Variants in CHST9 observed in about 807,000 individuals in gnomAD.
CHST9 encodes the protein GalNAc-4-sulfotransferase 2.
CHST9 carries 41 observed loss-of-function variants against 44.4 expected under a neutral mutation model. The ratio of observed to expected loss-of-function variants is 0.92; its 90% CI spans 0.72 to 1.20. The LOEUF is 1.20. Ranked by LOEUF, CHST9 falls within the 50% of genes most tolerant of loss-of-function variation. The pLI, the probability that CHST9 is intolerant of heterozygous loss-of-function variation, is 0.00. For synonymous variants in CHST9, 171 were observed against 178.4 expected (o/e 0.96, Z 0.33); for missense variants, 504 against 516.5 (o/e 0.98, Z 0.23).
chr18:27,089,741 G>T (rs56141117), intron 2 of CHST9, among the ~76,000 whole-genome samples: 1 of 151,376 alleles, frequency 6.6e-6, no homozygotes, highest in African/African-American at 2.4e-5. Flanking sequence ...GAACTAGTTT[G>T]CAGTCCCACC....
At chr18:27,177,309 A>T (rs1217855125) in intron 1 of CHST9, among the ~76,000 whole-genome samples, 1 of 151,998 alleles carries the variant, frequency 6.6e-6, no homozygotes, top group Non-Finnish European at 1.5e-5. Flanking sequence ...AATTTCTTTA[A>T]AACTGTGCCT....
chr18:26,994,563 A>C (rs573575668), intron 4 of CHST9, among the ~76,000 whole-genome samples: 3 of 151,734 alleles, frequency 2.0e-5, no homozygotes, highest in Non-Finnish European at 4.4e-5. Flanking sequence ...TATCCACTTG[A>C]GTGTGGGCTG....
intron 3 of CHST9, among the ~76,000 whole-genome samples, chr18:27,034,586 G>A (rs181766942): frequency 3.3e-5 from 5 of 152,164 alleles, no homozygotes; most frequent in East Asian, 1.9e-4. Flanking sequence ...GCTGCCACAC[G>A]TTCACCTTTG....
chr18:27,024,925 T>A (rs2057268020), intron 3 of CHST9, among the ~76,000 whole-genome samples: 3 of 151,980 alleles, frequency 2.0e-5, no homozygotes, highest in Admixed American at 1.3e-4. Context: ...CCTAGTCACC[T>A]ATGGGGAGAG....
chr18:27,090,465 T>C (rs1158540106), intron 2 of CHST9, among the ~76,000 whole-genome samples: 2 of 152,224 alleles, frequency 1.3e-5, no homozygotes, highest in African/African-American at 2.4e-5. Context: ...ATACCATTTG[T>C]CCATTTTGGC....
At chr18:27,078,911 A>G (rs1054570482) in intron 2 of CHST9, among the ~76,000 whole-genome samples, 1 of 152,214 alleles carries the variant, frequency 6.6e-6, no homozygotes, top group Non-Finnish European at 1.5e-5. Flanking sequence ...TTGCAGATAT[A>G]GAATTCATTA....
intron 1 of CHST9, among the ~76,000 whole-genome samples, chr18:27,151,525 G>T (rs2058659368): frequency 6.6e-6 from 1 of 152,178 alleles, no homozygotes; most frequent in African/African-American, 2.4e-5. Flanking sequence ...GGAGAATTGA[G>T]TTTGCAGACG....
Position 27,024,912 on chromosome 18 carries a change from T to C in CHST9, c.161-755A>G, listed in dbSNP as rs2057267661. Among the ~76,000 whole-genome samples the C allele has an allele frequency of 2.6e-5, 4 of 152,166 alleles. No individual in the cohort carries two copies. The South Asian group carries it at 8.3e-4, about 32-fold the overall frequency. On this transcript the variant is annotated intron_variant, in intron 3 of 5. Transcript: ENST00000618847. Reference sequence around the variant, plus strand: ...CTACTGTAACATAGTATATTTCTTCTGGCCTAGTCACCTATGGGGAGAGAA... The same window carrying C: ...CTACTGTAACATAGTATATTTCTTCCGGCCTAGTCACCTATGGGGAGAGAA...
At chr18:27,050,495 C>CT (rs1223279580) in intron 2 of CHST9, among the ~76,000 whole-genome samples, 1 of 152,146 alleles carries the variant, frequency 6.6e-6, no homozygotes, top group Non-Finnish European at 1.5e-5. Context: ...TTTATCCAAG[C>CT]TTTTCTAACA....
Position 26,914,342 on chromosome 18 carries a change from A to G in CHST9, c.*1917T>C, listed in dbSNP as rs911739996. The G allele has an allele frequency of 6.6e-6, 1 of 152,180 alleles. No individual in the cohort carries two copies. Among genetic ancestry groups the G allele is most frequent in the African/African-American group, 2.4e-5 (1 of 41,454 alleles). The allele number at this position is 152,180 out of a possible 1,614,324, so 9.4% of individuals were successfully genotyped here. On this transcript the variant is annotated 3_prime_UTR_variant, in exon 6 of 6. Transcript: ENST00000618847. ...GCCTTTATTCTTTATAGTGGATTTC[A>G]TATAAAGCAAGTTTTGTGTTTCTTA...
At chr18:27,068,104 A>G (rs894826521) in intron 2 of CHST9, among the ~76,000 whole-genome samples, 2 of 152,120 alleles carry the variant, frequency 1.3e-5, no homozygotes, top group African/African-American at 2.4e-5. Flanking sequence ...AAGAACCTGT[A>G]TATGTTACAG....
intron 5 of CHST9, chr18:26,934,648 T>C (rs949426720): frequency 2.0e-5 from 3 of 152,224 alleles, no homozygotes; most frequent in Non-Finnish European, 4.4e-5. Flanking sequence ...TGGTGGCTGG[T>C]ACCAGTGGAG....
chr18:27,065,294 TG>T (rs1248546539), intron 2 of CHST9, among the ~76,000 whole-genome samples: 1 of 152,232 alleles, frequency 6.6e-6, no homozygotes, highest in African/African-American at 2.4e-5. Context: ...TTTAAAATTC[TG>T]GAATCTTTTA....
At chr18:27,112,020 G>A (rs2058275021) in intron 2 of CHST9, among the ~76,000 whole-genome samples, 1 of 151,386 alleles carries the variant, frequency 6.6e-6, no homozygotes, top group Admixed American at 6.6e-5. Flanking sequence ...TAACTGTTGT[G>A]AGCTGATACC....
chr18:27,046,312 G>T (rs749569265), intron 3 of CHST9, among the ~76,000 whole-genome samples: 1 of 152,006 alleles, frequency 6.6e-6, no homozygotes, highest in East Asian at 1.9e-4. Flanking sequence ...ACCAAAAAAT[G>T]AGGGTCTTGG....
intron 2 of CHST9, among the ~76,000 whole-genome samples, chr18:27,056,651 C>T (rs2057659898): frequency 6.6e-6 from 1 of 152,154 alleles, no homozygotes. Flanking sequence ...CACCTTGGTG[C>T]CTGGGACATA....
chr18:26,976,722 C>T (rs2056627943), intron 4 of CHST9, among the ~76,000 whole-genome samples: 2 of 152,096 alleles, frequency 1.3e-5, no homozygotes, highest in African/African-American at 4.8e-5. Flanking sequence ...CATGATGTGA[C>T]AAAGTCACAT....
At chr18:27,039,906 T>G (rs11659311) in intron 3 of CHST9, among the ~76,000 whole-genome samples, 98,838 of 151,920 alleles carry the variant, frequency 0.65, 32,806 homozygotes, top group African/African-American at 0.77. Context: ...AGATAAAAGT[T>G]CATTAAATAA....
rs1217939348 is a variant in CHST9, at chr18:26,917,011, G to A, written c.580C>T (p.His194Tyr). 6.2e-7 allele frequency: 1 copy of A among 1,613,760 alleles called. No individual in the cohort carries two copies. The highest frequency in any genetic ancestry group is 2.2e-5 in the East Asian group (1 of 44,892). The stretch of plus-strand genomic sequence containing the variant: ...GTATGAAAAAGATGTGACTGATGAT[G>A]ACTCACCCCACCGTATTTCTTGCAA... ...EFCKKYGGVS[H>Y]HQSHLFHTVS... The change falls in exon 6 of 6, where the codon CAT (histidine) becomes TAT (tyrosine). Residue 194 changes from histidine (H) to tyrosine (Y), a missense_variant. Physicochemically the swap from His to Tyr is moderately conservative, Grantham distance 83 (BLOSUM62 2). Coordinates refer to ENST00000618847, the MANE Select transcript of CHST9 (RefSeq NM_031422.6).
Sources: gnomAD v4.1 joint callset for allele counts (sites outside exome capture counted in the v4.1 genomes callset) on GRCh38, gnomAD v4.1.1 for gene constraint, MANE v1.5 for transcripts, NCBI Gene and HGNC (gene_info 2026-07-23, HGNC 2026-07-21) for gene names.